MACROD2: variants seen among roughly 807,000 people sequenced by gnomAD.
MACROD2 encodes the protein mono-ADP ribosylhydrolase 2.
Under a neutral mutation model 70.4 loss-of-function variants are expected in MACROD2, and 36 were observed. The observed-to-expected ratio is 0.51, with a 90% confidence interval of 0.39 to 0.68. MACROD2 has a LOEUF of 0.68. MACROD2 is among the 30% of genes least tolerant of loss of function. The pLI is 0.00. For synonymous variants in MACROD2, 172 were observed against 178.8 expected (o/e 0.96, Z 0.30); for missense variants, 496 against 538.4 (o/e 0.92, Z 0.78).
chr20:15,217,696 A>G (rs1161634781), intron 5 of MACROD2, among the ~76,000 whole-genome samples: 4 of 152,184 alleles, frequency 2.6e-5, no homozygotes, highest in Non-Finnish European at 5.9e-5. Flanking sequence ...TAAAGAACGA[A>G]AATTGTTATT....
At chr20:14,851,249 G>T (rs566538288) in intron 5 of MACROD2, among the ~76,000 whole-genome samples, 1 of 152,060 alleles carries the variant, frequency 6.6e-6, no homozygotes, top group South Asian at 2.1e-4. Context: ...GAGAGCCACC[G>T]ATACTGGAGG....
At chr20:14,142,268 TG>T (rs2054886398) in intron 3 of MACROD2, among the ~76,000 whole-genome samples, 1 of 152,070 alleles carries the variant, frequency 6.6e-6, no homozygotes, top group Non-Finnish European at 1.5e-5. Flanking sequence ...CAGCCAGAGG[TG>T]ACTCGTTTTT....
At chr20:14,257,775 G>A (rs750073866) in intron 3 of MACROD2, among the ~76,000 whole-genome samples, 11 of 152,092 alleles carry the variant, frequency 7.2e-5, no homozygotes, top group Non-Finnish European at 1.2e-4. Context: ...GGAACAGATG[G>A]TTTTTAGTCA....
chr20:14,524,310 A>G (rs374408704), intron 4 of MACROD2, among the ~76,000 whole-genome samples: 2 of 152,232 alleles, frequency 1.3e-5, no homozygotes, highest in South Asian at 2.1e-4. Flanking sequence ...TTTCCGAACC[A>G]CCAATGTCCT....
At chr20:16,009,548 G>A (rs566876060) in intron 15 of MACROD2, among the ~76,000 whole-genome samples, 5 of 152,262 alleles carry the variant, frequency 3.3e-5, no homozygotes, top group Admixed American at 2.0e-4. Context: ...CCTGAGGTCA[G>A]GAGTTCGAGA....
intron 4 of MACROD2, among the ~76,000 whole-genome samples, chr20:14,501,453 T>C (rs1402604338): frequency 6.6e-6 from 1 of 152,070 alleles, no homozygotes; most frequent in African/African-American, 2.4e-5. Context: ...ACTAGTGTTA[T>C]CCTACAATAC....
chr20:15,417,618 AAAG>A (rs1429674518), intron 6 of MACROD2, among the ~76,000 whole-genome samples: 18 of 60,226 alleles, frequency 3.0e-4, no homozygotes, highest in African/African-American at 7.8e-4. Flanking sequence ...AAAAAAAAAG[AAAG>A]AAAGAAAGAA....
chr20:14,093,309 A>G (rs1265443763), intron 3 of MACROD2, among the ~76,000 whole-genome samples: 1 of 151,394 alleles, frequency 6.6e-6, no homozygotes, highest in African/African-American at 2.4e-5. Context: ...GTGGTCTTGA[A>G]CTCCTAGCTT....
chr20:16,039,939 A>G (rs2067286525), intron 15 of MACROD2, among the ~76,000 whole-genome samples: 1 of 151,772 alleles, frequency 6.6e-6, no homozygotes. Flanking sequence ...CTTTCATACT[A>G]TGAATGTTAC....
chr20:15,880,107 A>G (rs866366469), intron 9 of MACROD2, among the ~76,000 whole-genome samples: 3 of 151,990 alleles, frequency 2.0e-5, no homozygotes, highest in Admixed American at 6.6e-5. Context: ...TTTTAATCTC[A>G]TTCAGAAACA....
At chr20:14,486,055 G>A (rs370847660) in intron 3 of MACROD2, among the ~76,000 whole-genome samples, 2 of 152,178 alleles carry the variant, frequency 1.3e-5, no homozygotes, top group African/African-American at 2.4e-5. Context: ...GTCCCAGCGG[G>A]AAACAGATGA....
intron 6 of MACROD2, among the ~76,000 whole-genome samples, chr20:15,386,519 A>G (rs556305451): frequency 7.2e-4 from 110 of 152,338 alleles, no homozygotes; most frequent in Admixed American, 1.8e-3. Context: ...GGAAGTCACT[A>G]AAAGTACTAT....
At chr20:14,720,407 C>G (rs1202965059) in intron 5 of MACROD2, among the ~76,000 whole-genome samples, 2 of 152,216 alleles carry the variant, frequency 1.3e-5, no homozygotes, top group East Asian at 1.9e-4. Flanking sequence ...GCTGAACATT[C>G]ATCCTGAGTA....
At chr20:14,611,294 A>C (rs568210324) in intron 4 of MACROD2, among the ~76,000 whole-genome samples, 1 of 152,234 alleles carries the variant, frequency 6.6e-6, no homozygotes, top group East Asian at 1.9e-4. Flanking sequence ...CCAGATGTGA[A>C]ACATTAGAAG....
chr20:15,720,777 T>C (rs1238951240), intron 8 of MACROD2, among the ~76,000 whole-genome samples: 2 of 152,198 alleles, frequency 1.3e-5, no homozygotes, highest in African/African-American at 4.8e-5. Context: ...TCTTAATTAA[T>C]GCCTGATGTA....
At chr20:14,657,888 A>G (rs762938875) in intron 4 of MACROD2, among the ~76,000 whole-genome samples, 4 of 152,008 alleles carry the variant, frequency 2.6e-5, no homozygotes, top group Non-Finnish European at 5.9e-5. Flanking sequence ...ACTCATTTTG[A>G]TAAGCAGATG....
chr20:15,670,712 C>T (rs928877812), intron 8 of MACROD2, among the ~76,000 whole-genome samples: 1 of 152,156 alleles, frequency 6.6e-6, no homozygotes, highest in Non-Finnish European at 1.5e-5. Context: ...CAAATTCAGT[C>T]CTCTGTTCCT....
At chr20:15,637,197 C>T (rs898484964) in intron 8 of MACROD2, among the ~76,000 whole-genome samples, 4 of 140,464 alleles carry the variant, frequency 2.8e-5, no homozygotes, top group African/African-American at 1.0e-4. Flanking sequence ...AGACTTACAT[C>T]CTGGTCCTGA....
intron 4 of MACROD2, among the ~76,000 whole-genome samples, chr20:14,553,524 G>A (rs1978812252): frequency 6.7e-6 from 1 of 149,898 alleles, no homozygotes; most frequent in South Asian, 2.1e-4. Flanking sequence ...ATTATGTACT[G>A]TAAATAATTG....
Sources: gnomAD v4.1 joint callset for allele counts (sites outside exome capture counted in the v4.1 genomes callset) on GRCh38, gnomAD v4.1.1 for gene constraint, MANE v1.5 for transcripts, NCBI Gene and HGNC (gene_info 2026-07-23, HGNC 2026-07-21) for gene names.